Variants in ZNF267 observed in about 807,000 individuals in gnomAD.
The protein encoded by ZNF267 is zinc finger protein 267, also known as zinc finger (C2H2).
In ZNF267, 61 loss-of-function variants were observed where a neutral mutation model predicts 71.6. The observed-to-expected ratio is 0.85, with a 90% CI of 0.69 to 1.05. The LOEUF (loss-of-function observed/expected upper bound fraction) is 1.05. Ranked by LOEUF, ZNF267 falls within the 50% of genes least tolerant of loss-of-function variation. The pLI, the probability that ZNF267 is intolerant of heterozygous loss-of-function variation, is 0.00. For synonymous variants in ZNF267, 288 were observed against 293.2 expected (o/e 0.98, Z 0.18); for missense variants, 852 against 870.0 (o/e 0.98, Z 0.26).
intron 3 of ZNF267, chr16:31,894,464 T>TC (rs1039395001): frequency 4.4e-6 from 2 of 452,840 alleles, no homozygotes; most frequent in African/African-American, 4.1e-5. Flanking sequence ...GTTTTTTTTT[T>TC]CTGACTATTC....
Position 31,915,007 on chromosome 16 carries a change from T to C in ZNF267, c.758T>C (p.Phe253Ser), listed in dbSNP as rs751414764. ...AAATGTAAAGAATTTGAGGAAGTCT[T>C]TCTTCAGAGTATGCATGGGCAAGAG... The part of the protein sequence containing the change: ...QYKCKEFEEV[F>S]LQSMHGQEKQ... The change falls in exon 4 of 4, where the codon TTT (phenylalanine) becomes TCT (serine). Residue 253 changes from phenylalanine to serine, a missense_variant. Coordinates refer to ENST00000300870, the MANE Select transcript of ZNF267 (RefSeq NM_003414.6). 10 of 1,609,008 alleles carry C rather than the reference T, an allele frequency of 6.2e-6. No individual in the cohort carries two copies. Among genetic ancestry groups the C allele is most frequent in the Non-Finnish European group, 7.6e-6 (9 of 1,178,722 alleles).
chr16:31,901,158 C>G (rs1307572044), intron 3 of ZNF267, among the ~76,000 whole-genome samples: 1 of 152,076 alleles, frequency 6.6e-6, no homozygotes, highest in Non-Finnish European at 1.5e-5. Context: ...GCATAGTATT[C>G]CATGGTGTAT....
At chr16:31,914,332 A>G (rs1292191981) in intron 3 of ZNF267, 144 bp from the exon 4 acceptor site, 2 of 690,048 alleles carry the variant, frequency 2.9e-6, no homozygotes, top group Admixed American at 3.4e-5. Flanking sequence ...TAAAGTTTGT[A>G]TATCAATTGA....
intron 3 of ZNF267, chr16:31,912,623 C>T (rs2084143980): frequency 6.6e-6 from 1 of 151,600 alleles, no homozygotes; most frequent in South Asian, 2.1e-4. Flanking sequence ...AAACTTTCTA[C>T]CCCTGTCTCT....
intron 3 of ZNF267, among the ~76,000 whole-genome samples, chr16:31,891,645 T>C (rs563930812): frequency 5.9e-4 from 90 of 151,814 alleles, no homozygotes; most frequent in African/African-American, 2.2e-3. Context: ...TAAAGGAGAG[T>C]TTCCCTGCAC....
chr16:31,906,161 G>A (rs146202698), intron 3 of ZNF267, among the ~76,000 whole-genome samples: 1 of 152,176 alleles, frequency 6.6e-6, no homozygotes, highest in Non-Finnish European at 1.5e-5. Flanking sequence ...TCTCAGAGGA[G>A]TACCCGGCCG....
intron 3 of ZNF267, among the ~76,000 whole-genome samples, chr16:31,886,470 T>C (rs1458077184): frequency 1.3e-5 from 2 of 152,202 alleles, no homozygotes; most frequent in African/African-American, 4.8e-5. Context: ...GAACTGTGCA[T>C]GCAAAAGATC....
intron 3 of ZNF267, among the ~76,000 whole-genome samples, chr16:31,897,657 G>A (rs2084010126): frequency 6.6e-6 from 1 of 152,198 alleles, no homozygotes; most frequent in South Asian, 2.1e-4. Flanking sequence ...TTGATAGAGA[G>A]TACATTGAAT....
chr16:31,914,705 A>G lies in ZNF267; in HGVS notation c.456A>G (p.Ile152Met). 2 of 1,614,160 alleles carry G rather than the reference A, an allele frequency of 1.2e-6. No homozygotes were observed. The highest frequency in any genetic ancestry group is 1.7e-6 in the Non-Finnish European group (2 of 1,180,016). Residue 152 changes from isoleucine (I) to methionine (M), a missense_variant, in exon 4 of 4, where the codon ATA becomes ATG. Coordinates refer to ENST00000300870, the MANE Select transcript of ZNF267 (RefSeq NM_003414.6). ...SSVESLFHQQILSSCAKSYNF... is the reference protein window; with the variant it reads ...SSVESLFHQQMLSSCAKSYNF... ...TTGAAAGTTTGTTTCACCAGCAAATACTTTCTTCTTGTGCCAAAAGCTATA... is the reference window on the plus strand; with the variant it reads ...TTGAAAGTTTGTTTCACCAGCAAATGCTTTCTTCTTGTGCCAAAAGCTATA...
chr16:31,889,044 A>T (rs2083942445), intron 3 of ZNF267, among the ~76,000 whole-genome samples: 1 of 151,766 alleles, frequency 6.6e-6, no homozygotes, highest in Non-Finnish European at 1.5e-5. Flanking sequence ...TCTAAGAATC[A>T]ATTTCTTCTA....
intron 3 of ZNF267, among the ~76,000 whole-genome samples, chr16:31,910,324 TG>T (rs1209487568): frequency 4.0e-5 from 6 of 151,728 alleles, no homozygotes; most frequent in African/African-American, 1.5e-4. Flanking sequence ...TGAGTAGAGC[TG>T]GTATTAGATC....
Position 31,885,201 on chromosome 16 carries a change from A to T in ZNF267, c.171A>T (p.Glu57Asp). ...AGCCGGACCTGATCACCTTTTTGGA[A>T]CAAAGGAAAGAGCCTTGGAATGTGA... ...VSKPDLITFL[E>D]QRKEPWNVKS... is the part of the protein sequence containing the mutation. The change falls in exon 3 of 4, where the codon GAA (glutamate) becomes GAT (aspartate). Residue 57 changes from glutamate (E) to aspartate (D), a missense_variant. By Grantham distance (45) the Glu-to-Asp change is conservative (BLOSUM62 2). Coordinates refer to ENST00000300870, the MANE Select transcript of ZNF267 (RefSeq NM_003414.6). The T allele has an allele frequency of 6.2e-7, 1 of 1,611,062 alleles. No homozygotes were observed. The highest frequency in any genetic ancestry group is 1.3e-5 in the African/African-American group (1 of 74,972).
chr16:31,881,874 A>G (rs1260544699), intron 1 of ZNF267, among the ~76,000 whole-genome samples: 1 of 152,094 alleles, frequency 6.6e-6, no homozygotes, highest in Non-Finnish European at 1.5e-5. Flanking sequence ...AATGTTGACC[A>G]GGCTGATCTT....
Position 31,915,412 on chromosome 16 carries a change from C to T in ZNF267, c.1163C>T (p.Ser388Phe), listed in dbSNP as rs538888358. The change falls in exon 4 of 4, where the codon TCT becomes TTT. Residue 388 changes from serine (S) to phenylalanine (F), a missense_variant. Transcript: ENST00000300870. Reference sequence around the variant, plus strand: ...TACAAATGTAAAGCATGTAGCAAATCTTTTACTCGTTCCTCCAATCTTATT... The same window carrying T: ...TACAAATGTAAAGCATGTAGCAAATTTTTTACTCGTTCCTCCAATCTTATT... ...NLYKCKACSK[S>F]FTRSSNLIVH... 1 of 1,613,734 alleles carries T rather than the reference C, an allele frequency of 6.2e-7. No homozygotes were observed. Among genetic ancestry groups the T allele is most frequent in the South Asian group, 1.1e-5 (1 of 91,028 alleles).
chr16:31,896,424 A>T (rs532202347), intron 3 of ZNF267, among the ~76,000 whole-genome samples: 2 of 152,338 alleles, frequency 1.3e-5, no homozygotes, highest in Admixed American at 1.3e-4. Flanking sequence ...GATTACACTT[A>T]ATTCTTTAAT....
intron 1 of ZNF267, among the ~76,000 whole-genome samples, chr16:31,877,420 C>G (rs1446349016): frequency 6.6e-6 from 1 of 152,036 alleles, no homozygotes; most frequent in East Asian, 1.9e-4. Flanking sequence ...GAGGAGCAAA[C>G]AAGCTCAGAA....
chr16:31,904,809 T>A (rs2084074283), intron 3 of ZNF267, among the ~76,000 whole-genome samples: 1 of 152,230 alleles, frequency 6.6e-6, no homozygotes, highest in African/African-American at 2.4e-5. Context: ...TTCTTATGTG[T>A]GAATTTGATC....
At position 31,884,533 on chromosome 16, in the gene ZNF267, C is replaced by G. The variant is rs1380844198; in HGVS notation, c.39C>G (p.Phe13Leu). The G allele has an allele frequency of 1.4e-5, 22 of 1,614,090 alleles. No homozygotes were observed. The highest frequency in any genetic ancestry group is 1.8e-5 in the Non-Finnish European group (21 of 1,179,984). ...CATTCAGGGATGTGGCCGTAGAATT[C>G]TCTTTGGAGGAGTGGGAACACCTGG... ...LLTFRDVAVE[F>L]SLEEWEHLEP... Residue 13 changes from phenylalanine (F) to leucine (L), a missense_variant, in exon 2 of 4, where the codon TTC (phenylalanine) becomes TTG (leucine). Physicochemically the swap from Phe to Leu is conservative, Grantham distance 22 (BLOSUM62 0). Transcript: ENST00000300870.
chr16:31,900,757 CTTT>C (rs35863544), intron 3 of ZNF267, among the ~76,000 whole-genome samples: 2 of 129,712 alleles, frequency 1.5e-5, no homozygotes, highest in African/African-American at 2.9e-5. Context: ...AGAATTCTTT[CTTT>C]TTTTTTTTTT....
Sources: gnomAD v4.1 joint callset for allele counts (sites outside exome capture counted in the v4.1 genomes callset) on GRCh38, gnomAD v4.1.1 for gene constraint, MANE v1.5 for transcripts, NCBI Gene and HGNC (gene_info 2026-07-23, HGNC 2026-07-21) for gene names.